PDSS2: variants seen among roughly 807,000 people sequenced by gnomAD.
PDSS2 encodes decaprenyl diphosphate synthase subunit 2, also known as all trans-polyprenyl-diphosphate synthase PDSS2.
Under a neutral mutation model 44.5 loss-of-function variants are expected in PDSS2, and 31 were observed. The ratio of observed to expected loss-of-function variants is 0.70; its 90% CI spans 0.52 to 0.94. The LOEUF (loss-of-function observed/expected upper bound fraction) is 0.94, where lower values mean the gene tolerates loss of function less well. Ranked by LOEUF, PDSS2 falls within the 40% of genes least tolerant of loss-of-function variation. The pLI is 0.00. For missense variants in PDSS2, 452 were observed against 482.2 expected (o/e 0.94, Z 0.59); for synonymous variants, 157 against 180.3 (o/e 0.87, Z 1.03).
At chr6:107,287,504 A>G (rs936733351) in intron 2 of PDSS2, among the ~76,000 whole-genome samples, 12 of 151,782 alleles carry the variant, frequency 7.9e-5, no homozygotes, top group African/African-American at 2.4e-4. Context: ...CCACATAAAC[A>G]TTTTTTTAAT....
chr6:107,361,784 T>A (rs546480129), intron 1 of PDSS2, among the ~76,000 whole-genome samples: 53 of 152,176 alleles, frequency 3.5e-4, no homozygotes, highest in Non-Finnish European at 7.5e-4. Context: ...AAAGCAGTAA[T>A]TTGAGCACTC....
chr6:107,247,799 C>G (rs1012691655), intron 3 of PDSS2, among the ~76,000 whole-genome samples: 11 of 134,918 alleles, frequency 8.2e-5, no homozygotes, highest in Non-Finnish European at 1.2e-4. Context: ...GTCAGGAGTT[C>G]GAGACCAGCC....
intron 3 of PDSS2, among the ~76,000 whole-genome samples, 157 bp downstream of exon 3, chr6:107,273,872 T>A (rs1775683773): frequency 6.6e-6 from 1 of 152,218 alleles, no homozygotes; most frequent in Non-Finnish European, 1.5e-5. Flanking sequence ...TGCCTGGTAC[T>A]AACACTGCCA....
chr6:107,292,218 T>A (rs1210073580), intron 2 of PDSS2, among the ~76,000 whole-genome samples: 2 of 142,196 alleles, frequency 1.4e-5, no homozygotes, highest in African/African-American at 5.1e-5. Context: ...TAAGTAGTAC[T>A]TCAATTAAAA....
chr6:107,262,129 C>T (rs1302672946), intron 3 of PDSS2, among the ~76,000 whole-genome samples: 4 of 150,652 alleles, frequency 2.7e-5, no homozygotes, highest in Non-Finnish European at 5.9e-5. Flanking sequence ...AGGATGGCCT[C>T]GATCTCCTGA....
chr6:107,241,379 G>A (rs1289684074), intron 4 of PDSS2, among the ~76,000 whole-genome samples: 30 of 103,452 alleles, frequency 2.9e-4, no homozygotes, highest in Non-Finnish European at 5.3e-4. Context: ...ACGGAGCCTC[G>A]CTCTGTCCCC....
At chr6:107,439,432 TC>T (rs1361386190) in intron 1 of PDSS2, among the ~76,000 whole-genome samples, 1 of 152,214 alleles carries the variant, frequency 6.6e-6, no homozygotes, top group Non-Finnish European at 1.5e-5. Context: ...AAATTGCATA[TC>T]AGATCACTTA....
At chr6:107,275,368 C>A (rs1194453276) in intron 2 of PDSS2, among the ~76,000 whole-genome samples, 1 of 152,020 alleles carries the variant, frequency 6.6e-6, no homozygotes, top group Non-Finnish European at 1.5e-5. Context: ...CAAGAGTACA[C>A]AGTAATGTAG....
At chr6:107,399,722 T>C (rs367840202) in intron 1 of PDSS2, among the ~76,000 whole-genome samples, 44 of 152,332 alleles carry the variant, frequency 2.9e-4, no homozygotes, top group African/African-American at 9.9e-4. Flanking sequence ...TAGATAATAG[T>C]TCATTTTATA....
intron 1 of PDSS2, among the ~76,000 whole-genome samples, chr6:107,422,086 T>TTA (rs1159052784): frequency 1.8e-5 from 2 of 109,186 alleles, no homozygotes; most frequent in African/African-American, 6.9e-5. Flanking sequence ...ATTTTAAAAG[T>TTA]AAAAAAAAAA....
At chr6:107,404,601 A>T (rs1289943680) in intron 1 of PDSS2, among the ~76,000 whole-genome samples, 1 of 152,204 alleles carries the variant, frequency 6.6e-6, no homozygotes. Flanking sequence ...ACATAGCAGC[A>T]GGCAAGACAG....
At chr6:107,437,907 CA>C (rs1781404291) in intron 1 of PDSS2, among the ~76,000 whole-genome samples, 1 of 152,186 alleles carries the variant, frequency 6.6e-6, no homozygotes, top group South Asian at 2.1e-4. Flanking sequence ...ACATGACAAT[CA>C]TTACTAATCA....
intron 1 of PDSS2, among the ~76,000 whole-genome samples, chr6:107,380,930 A>G (rs1028936997): frequency 1.3e-5 from 2 of 152,232 alleles, no homozygotes; most frequent in African/African-American, 2.4e-5. Context: ...TCTTTCCTCA[A>G]AAGTAGTTAA....
At chr6:107,266,822 G>A (rs779135371) in intron 3 of PDSS2, among the ~76,000 whole-genome samples, 161 of 152,310 alleles carry the variant, frequency 1.1e-3, no homozygotes, top group Non-Finnish European at 1.8e-3. Context: ...TGATGCTTCT[G>A]AATGCAAAAC....
chr6:107,316,642 C>T (rs1777210250), intron 2 of PDSS2, among the ~76,000 whole-genome samples: 1 of 151,948 alleles, frequency 6.6e-6, no homozygotes, highest in Admixed American at 6.6e-5. Flanking sequence ...GAATATTGGG[C>T]CTTTTTAAAC....
chr6:107,350,767 A>T (rs906412650), intron 1 of PDSS2, among the ~76,000 whole-genome samples: 2 of 152,112 alleles, frequency 1.3e-5, no homozygotes, highest in African/African-American at 2.4e-5. Flanking sequence ...CTATGATCAC[A>T]CCACTGTGCT....
chr6:107,302,483 G>A (rs1776728216), intron 2 of PDSS2, among the ~76,000 whole-genome samples: 1 of 151,872 alleles, frequency 6.6e-6, no homozygotes, highest in Admixed American at 6.6e-5. Context: ...GCCGAGGCTG[G>A]TTTCAAACTC....
chr6:107,431,977 A>G (rs1269129069), intron 1 of PDSS2, among the ~76,000 whole-genome samples: 2 of 152,242 alleles, frequency 1.3e-5, no homozygotes, highest in East Asian at 3.8e-4. Context: ...TTTCTTATCT[A>G]CAGCATCATA....
At chr6:107,292,022 T>C (rs1482408834) in intron 2 of PDSS2, among the ~76,000 whole-genome samples, 1 of 152,078 alleles carries the variant, frequency 6.6e-6, no homozygotes, top group Non-Finnish European at 1.5e-5. Flanking sequence ...GCTCTGTGTC[T>C]CTTTTAGAAA....
Sources: gnomAD v4.1 joint callset for allele counts (sites outside exome capture counted in the v4.1 genomes callset) on GRCh38, gnomAD v4.1.1 for gene constraint, MANE v1.5 for transcripts, NCBI Gene and HGNC (gene_info 2026-07-23, HGNC 2026-07-21) for gene names.